The following ARHGEF3 variants were observed in gnomAD, a reference collection of about 807,000 sequenced individuals.
ARHGEF3 encodes the protein Rho guanine nucleotide exchange factor 3.
Under a neutral mutation model 63.2 loss-of-function variants are expected in ARHGEF3, and 28 were observed. The ratio of observed to expected loss-of-function variants is 0.44; its 90% confidence interval spans 0.33 to 0.61. ARHGEF3 has a LOEUF of 0.61. ARHGEF3 is among the 20% of genes least tolerant of loss of function. ARHGEF3 has a pLI of 0.03. For missense variants in ARHGEF3, 533 were observed against 659.3 expected, an observed-to-expected ratio of 0.81 and a Z score of 2.10; for synonymous variants, 266 against 254.2, an observed-to-expected ratio of 1.05 and a Z score of -0.44.
chr3:56,853,633 C>A (rs1310788441), intron 4 of ARHGEF3, among the ~76,000 whole-genome samples: 1 of 152,214 alleles, frequency 6.6e-6, no homozygotes, highest in Non-Finnish European at 1.5e-5. Flanking sequence ...CCATGCCCGG[C>A]TCAATTTTTA....
chr3:56,738,249 A>G (rs2033771761), intron 7 of ARHGEF3, among the ~76,000 whole-genome samples: 1 of 151,984 alleles, frequency 6.6e-6, no homozygotes, highest in Non-Finnish European at 1.5e-5. Context: ...CATGTTGGCC[A>G]GGGTGGTCTC....
intron 3 of ARHGEF3, among the ~76,000 whole-genome samples, chr3:56,884,175 G>A (rs2040850825): frequency 6.6e-6 from 1 of 152,138 alleles, no homozygotes; most frequent in Non-Finnish European, 1.5e-5. Flanking sequence ...GAGCAGAGGT[G>A]GTGATGATGG....
intron 2 of ARHGEF3, among the ~76,000 whole-genome samples, chr3:56,767,583 C>CAAAA (rs541314948): frequency 4.6e-4 from 36 of 77,422 alleles, no homozygotes; most frequent in East Asian, 2.1e-3. Context: ...GACTCCGTCT[C>CAAAA]AAAAAAAAAA....
At chr3:56,951,746 G>A (rs1699823232) in intron 3 of ARHGEF3, among the ~76,000 whole-genome samples, 1 of 151,932 alleles carries the variant, frequency 6.6e-6, no homozygotes, top group South Asian at 2.1e-4. Flanking sequence ...TTGTGTTACT[G>A]TTTTCCAAGA....
intron 3 of ARHGEF3, among the ~76,000 whole-genome samples, chr3:56,951,761 T>C (rs1193553822): frequency 6.6e-6 from 1 of 152,068 alleles, no homozygotes; most frequent in Non-Finnish European, 1.5e-5. Context: ...CCAAGAGTCC[T>C]CTGTATGTTA....
chr3:56,945,852 G>C (rs957453470), intron 3 of ARHGEF3, among the ~76,000 whole-genome samples: 2 of 152,158 alleles, frequency 1.3e-5, no homozygotes, highest in African/African-American at 2.4e-5. Context: ...CCTGACCCCC[G>C]AGTAACCTAA....
chr3:56,872,612 C>T (rs147351178), intron 4 of ARHGEF3, among the ~76,000 whole-genome samples: 1 of 151,050 alleles, frequency 6.6e-6, no homozygotes, highest in Non-Finnish European at 1.5e-5. Context: ...CTGGTTCAAG[C>T]GACTCTCCTG....
At chr3:56,943,645 T>A (rs1035553294) in intron 3 of ARHGEF3, among the ~76,000 whole-genome samples, 1 of 152,178 alleles carries the variant, frequency 6.6e-6, no homozygotes, top group East Asian at 1.9e-4. Context: ...TCAGGCACAG[T>A]GGTTCACAAC....
intron 3 of ARHGEF3, chr3:56,916,322 A>G (rs1234956960): frequency 5.2e-6 from 8 of 1,535,346 alleles, no homozygotes; most frequent in Non-Finnish European, 7.0e-6. Context: ...CGAACGGACA[A>G]AGAGGCAGCA....
At chr3:57,054,931 G>C (rs905650109) in intron 1 of ARHGEF3, among the ~76,000 whole-genome samples, 4 of 151,904 alleles carry the variant, frequency 2.6e-5, no homozygotes, top group African/African-American at 9.7e-5. Flanking sequence ...TTACAGGCGT[G>C]AGCCATCGCA....
At chr3:56,995,528 C>T (rs568971275) in intron 2 of ARHGEF3, among the ~76,000 whole-genome samples, 1 of 151,384 alleles carries the variant, frequency 6.6e-6, no homozygotes, top group South Asian at 2.1e-4. Context: ...AGGAGACATG[C>T]AATCATCATT....
At chr3:56,852,901 G>C (rs565683798) in intron 4 of ARHGEF3, among the ~76,000 whole-genome samples, 2 of 152,264 alleles carry the variant, frequency 1.3e-5, no homozygotes, top group South Asian at 4.1e-4. Context: ...AACCTTGTCT[G>C]CTCGATGGAT....
chr3:57,003,861 G>C (rs1365377187), intron 2 of ARHGEF3, among the ~76,000 whole-genome samples: 1 of 152,176 alleles, frequency 6.6e-6, no homozygotes, highest in Non-Finnish European at 1.5e-5. Flanking sequence ...CTTCCCTATG[G>C]CCTCCAGAAG....
At chr3:57,079,248 C>T (rs559077393) in exon 1 of ARHGEF3, 8 of 396,854 alleles carry the variant, frequency 2.0e-5, no homozygotes, top group Non-Finnish European at 3.6e-5. Context: ...GCTGGTTCGG[C>T]CTCTCCAGGC....
At chr3:56,754,682 T>C (rs575035932) in intron 3 of ARHGEF3, among the ~76,000 whole-genome samples, 1 of 152,368 alleles carries the variant, frequency 6.6e-6, no homozygotes, top group East Asian at 1.9e-4. Flanking sequence ...TATAAGTTGC[T>C]AACAAAATAT....
chr3:56,832,177 G>C lies in ARHGEF3; in HGVS notation c.192+50115C>G, dbSNP rs116495277. Among the ~76,000 whole-genome samples the C allele has an allele frequency of 9.8e-3, 1,494 of 152,362 alleles. 19 individuals are homozygous for C. The highest frequency in any genetic ancestry group is 0.016 in the Non-Finnish European group (1,111 of 68,042). The stretch of plus-strand genomic sequence containing the variant: ...CCCCATGCCCCTTGGGCCCATTTCA[G>C]ATGTACCCAGGCCTTTTGTATTTGC... On this transcript the variant is annotated intron_variant, in intron 4 of 12. Transcript: ENST00000338458.
At chr3:56,890,969 A>C (rs1412668971) in intron 3 of ARHGEF3, among the ~76,000 whole-genome samples, 1 of 152,198 alleles carries the variant, frequency 6.6e-6, no homozygotes, top group Admixed American at 6.5e-5. Flanking sequence ...GTGGTTTCAG[A>C]GGCTTTGATG....
chr3:56,740,001 G>A (rs940001776), intron 7 of ARHGEF3, among the ~76,000 whole-genome samples: 1 of 151,632 alleles, frequency 6.6e-6, no homozygotes, highest in Admixed American at 6.6e-5. Context: ...CTGGATTCAA[G>A]CGATTCTCCT....
chr3:57,029,949 T>C (rs148596256), intron 2 of ARHGEF3, among the ~76,000 whole-genome samples: 2 of 152,224 alleles, frequency 1.3e-5, no homozygotes, highest in African/African-American at 4.8e-5. Context: ...TGAACAAAGC[T>C]ACTAAAAATC....
Sources: gnomAD v4.1 joint callset for allele counts (sites outside exome capture counted in the v4.1 genomes callset) on GRCh38, gnomAD v4.1.1 for gene constraint, MANE v1.5 for transcripts, NCBI Gene and HGNC (gene_info 2026-07-23, HGNC 2026-07-21) for gene names.